Variants in FRMD4A observed in about 807,000 individuals in gnomAD.
The protein encoded by FRMD4A is FERM domain-containing protein 4A.
A neutral mutation model predicts 129.1 loss-of-function variants in FRMD4A; 29 were observed. The observed-to-expected ratio is 0.22, with a 90% confidence interval of 0.17 to 0.31. The LOEUF is 0.31. Among genes scored for constraint, FRMD4A ranks in the 10% least tolerant of loss-of-function variants. The pLI, the probability that FRMD4A is intolerant of heterozygous loss-of-function variation, is 1.00. For missense variants in FRMD4A, 1,272 were observed against 1,375.8 expected (o/e 0.92, Z 1.19); for synonymous variants, 634 against 571.6 (o/e 1.11, Z -1.56).
At chr10:13,706,136 CA>C (rs958248342) in intron 13 of FRMD4A, among the ~76,000 whole-genome samples, 12 of 152,340 alleles carry the variant, frequency 7.9e-5, no homozygotes, top group Admixed American at 5.9e-4. Context: ...GCTGGAGCGT[CA>C]ACAGCGCCTA....
Position 14,129,383 on chromosome 10 carries a change from TATATATATATATATATATATATATAA to T in FRMD4A, c.45+200649_45+200674del, listed in dbSNP as rs968643946. Among the ~76,000 whole-genome samples the T allele has an allele frequency of 6.4e-5, 8 of 125,314 alleles. 1 individual carries two copies. Among genetic ancestry groups the T allele is most frequent in the Admixed American group, 3.0e-4 (4 of 13,226 alleles). 82.2% of individuals were successfully genotyped at this position (125,314 alleles called of 152,430 possible). On this transcript the variant is annotated intron_variant, in intron 2 of 24. Coordinates refer to ENST00000357447, the MANE Select transcript of FRMD4A (RefSeq NM_018027.5). ...CACAATTATGATTCATATATATATA[TATATATATATATATATATATATATAA>T]AAAATATGAGCTGTAGAACATACTT...
At chr10:13,963,783 T>C (rs932779710) in intron 2 of FRMD4A, among the ~76,000 whole-genome samples, 1 of 152,214 alleles carries the variant, frequency 6.6e-6, no homozygotes, top group Non-Finnish European at 1.5e-5. Context: ...TGTTTTCTTA[T>C]AGAGTGTGTG....
At chr10:13,991,161 T>C (rs913589653) in intron 2 of FRMD4A, among the ~76,000 whole-genome samples, 1 of 152,202 alleles carries the variant, frequency 6.6e-6, no homozygotes, top group Non-Finnish European at 1.5e-5. Context: ...CTATTGTTAT[T>C]TGTGTATCTG....
At chr10:14,167,911 C>T (rs982655326) in intron 2 of FRMD4A, among the ~76,000 whole-genome samples, 5 of 152,144 alleles carry the variant, frequency 3.3e-5, no homozygotes, top group South Asian at 2.1e-4. Flanking sequence ...AGAGGGTAGA[C>T]GCAGTGTTTC....
At chr10:13,858,983 C>T (rs1403932558) in intron 2 of FRMD4A, 71 bp from the exon 3 acceptor site, 4 of 899,652 alleles carry the variant, frequency 4.4e-6, no homozygotes, top group Admixed American at 1.7e-5. Context: ...GTCGCCGACG[C>T]TGCACTCTGC....
intron 2 of FRMD4A, among the ~76,000 whole-genome samples, chr10:13,989,002 G>A (rs558078316): frequency 6.6e-6 from 1 of 151,900 alleles, no homozygotes; most frequent in African/African-American, 2.4e-5. Context: ...GCTTGAGAAG[G>A]TGTGCTTTAG....
At chr10:13,888,099 G>A (rs959242629) in intron 2 of FRMD4A, among the ~76,000 whole-genome samples, 1 of 152,176 alleles carries the variant, frequency 6.6e-6, no homozygotes, top group African/African-American at 2.4e-5. Context: ...TACCAACTCT[G>A]GAGATGAAAT....
At chr10:14,304,738 G>A (rs1846290651) in intron 2 of FRMD4A, among the ~76,000 whole-genome samples, 1 of 152,168 alleles carries the variant, frequency 6.6e-6, no homozygotes, top group East Asian at 1.9e-4. Flanking sequence ...GCCAGGCAGT[G>A]GGAGAACTTT....
chr10:13,919,757 G>A (rs1430494325), intron 2 of FRMD4A, among the ~76,000 whole-genome samples: 1 of 152,060 alleles, frequency 6.6e-6, no homozygotes, highest in Non-Finnish European at 1.5e-5. Context: ...GGCCAACATG[G>A]TGAAACCCTG....
chr10:14,118,993 T>C (rs1412833031), intron 2 of FRMD4A, among the ~76,000 whole-genome samples: 3 of 152,328 alleles, frequency 2.0e-5, no homozygotes, highest in African/African-American at 7.2e-5. Flanking sequence ...GATGTATTTC[T>C]CCAGGGATGA....
At chr10:13,754,106 T>C (rs2091754234) in intron 8 of FRMD4A, among the ~76,000 whole-genome samples, 1 of 152,142 alleles carries the variant, frequency 6.6e-6, no homozygotes, top group African/African-American at 2.4e-5. Context: ...GAATTTCCAC[T>C]CTGAAAAACT....
At chr10:13,773,032 T>G (rs2092502415) in intron 6 of FRMD4A, among the ~76,000 whole-genome samples, 1 of 152,182 alleles carries the variant, frequency 6.6e-6, no homozygotes, top group African/African-American at 2.4e-5. Context: ...TATTACACAT[T>G]ACATGCCTGT....
chr10:14,147,621 G>T (rs181848942), intron 2 of FRMD4A, among the ~76,000 whole-genome samples: 1 of 152,184 alleles, frequency 6.6e-6, no homozygotes, highest in Admixed American at 6.5e-5. Context: ...TAAGGAACGT[G>T]CGACCTAGAT....
chr10:13,699,899 GGA>G (rs1168592151), intron 14 of FRMD4A, among the ~76,000 whole-genome samples: 1 of 152,156 alleles, frequency 6.6e-6, no homozygotes, highest in Non-Finnish European at 1.5e-5. Context: ...ATCACTGCCA[GGA>G]GAGCTGCGGA....
rs559594624 is a variant in FRMD4A at position 13,673,266 on chromosome 10, T to C, written c.1251+1645A>G. On this transcript the variant is annotated intron_variant, in intron 16 of 24. Transcript: ENST00000357447. ...CCAATTGCTTTCCTAAGATTTGCAA[T>C]GGATTTGTGCTAATGTGGTTCTGCT... is the stretch of plus-strand genomic sequence containing the variant. Among the ~76,000 whole-genome samples, 3 of 152,294 alleles carry C rather than the reference T, an allele frequency of 2.0e-5. No individual in the cohort carries two copies. In the East Asian group the frequency reaches 5.8e-4, roughly 29 times the overall value.
At chr10:13,765,483 A>G (rs1481864610) in intron 6 of FRMD4A, among the ~76,000 whole-genome samples, 3 of 152,178 alleles carry the variant, frequency 2.0e-5, no homozygotes, top group Non-Finnish European at 4.4e-5. Context: ...AAAACAATGC[A>G]TTCAAGCACA....
chr10:13,696,024 T>A (rs3750883), intron 14 of FRMD4A, among the ~76,000 whole-genome samples: 1 of 151,996 alleles, frequency 6.6e-6, no homozygotes, highest in African/African-American at 2.4e-5. Flanking sequence ...CTGGTGTGAA[T>A]TGTCTTCCTC....
intron 12 of FRMD4A, among the ~76,000 whole-genome samples, chr10:13,732,269 C>G (rs1410870584): frequency 6.6e-6 from 1 of 152,084 alleles, no homozygotes; most frequent in Non-Finnish European, 1.5e-5. Context: ...CTGTTGTGCT[C>G]TTTTCTGGAC....
intron 2 of FRMD4A, among the ~76,000 whole-genome samples, chr10:13,863,115 G>T (rs1265814955): frequency 3.9e-5 from 6 of 152,004 alleles, no homozygotes; most frequent in African/African-American, 1.5e-4. Flanking sequence ...GCAGAGGCCT[G>T]CCAAGTGCCC....
Sources: allele counts gnomAD v4.1 joint callset (sites outside exome capture counted in the v4.1 genomes callset), GRCh38; gene constraint gnomAD v4.1.1; transcripts MANE v1.5; gene names NCBI Gene and HGNC (gene_info 2026-07-23, HGNC 2026-07-21).